The following CFAP74 variants were observed in gnomAD, a reference collection of about 807,000 sequenced individuals.
The protein encoded by CFAP74 is cilia and flagella associated protein 74.
In CFAP74, 124 loss-of-function variants were observed where a neutral mutation model predicts 188.9. The observed-to-expected ratio is 0.66, with a 90% confidence interval of 0.57 to 0.76. CFAP74 has a LOEUF of 0.76. CFAP74 is among the 30% of genes least tolerant of loss of function. The pLI is 0.00. For missense variants in CFAP74, 2,198 were observed against 2,165.2 expected (o/e 1.02, Z -0.30); for synonymous variants, 956 against 916.7 (o/e 1.04, Z -0.77).
At chr1:1,991,846 T>C (rs957238230) in intron 1 of CFAP74, among the ~76,000 whole-genome samples, 32 of 151,988 alleles carry the variant, frequency 2.1e-4, no homozygotes, top group South Asian at 1.2e-3. Context: ...GAGACTATCC[T>C]GGCTAGCACA....
chr1:1,983,960 A>T (rs2102099255), intron 6 of CFAP74: 1 of 143,268 alleles, frequency 7.0e-6, no homozygotes, highest in Non-Finnish European at 1.5e-5. Context: ...AAGTGCTGGG[A>T]TGACAGGCGT....
chr1:1,970,466 G>A (rs1230505321), intron 10 of CFAP74, among the ~76,000 whole-genome samples, 193 bp downstream of exon 10: 2 of 152,216 alleles, frequency 1.3e-5, no homozygotes, highest in Non-Finnish European at 2.9e-5. Context: ...GCAGGGCTGG[G>A]CAGGCTGAGT....
At chr1:1,969,506 A>C (rs1163676296) in intron 10 of CFAP74, among the ~76,000 whole-genome samples, 2 of 129,224 alleles carry the variant, frequency 1.5e-5, no homozygotes, top group Non-Finnish European at 3.2e-5. Flanking sequence ...TTCGCAGCCC[A>C]GTCCCCCAGC....
Position 1,923,604 on chromosome 1 carries a change from G to T in CFAP74, c.4390-105C>A. 1 of 1,523,464 alleles carries T rather than the reference G, an allele frequency of 6.6e-7. No homozygotes were observed. Among genetic ancestry groups the T allele is most frequent in the Non-Finnish European group, 8.9e-7 (1 of 1,128,658 alleles). The allele number at this position is 1,523,464 out of a possible 1,614,324, so 94.4% of individuals were successfully genotyped here. ...GGAAGGAAGCAGGGACGGCCTGGGG[G>T]CCCCGTGGGGCCCTGGACTCTGGTC... On this transcript the variant is annotated intron_variant, in intron 35 of 38. Coordinates refer to ENST00000682832, the MANE Select transcript of CFAP74 (RefSeq NM_001304360.2). The surrounding 1 kb of genome is among the most constrained non-coding windows in gnomAD (Gnocchi z 6.3).
At chr1:1,965,589 G>A (rs1655411059) in intron 12 of CFAP74, among the ~76,000 whole-genome samples, 1 of 152,150 alleles carries the variant, frequency 6.6e-6, no homozygotes, top group Admixed American at 6.5e-5. Flanking sequence ...CCTGGCTCTG[G>A]GCTGTGGGCT....
intron 25 of CFAP74, among the ~76,000 whole-genome samples, chr1:1,934,190 G>C (rs917250450): frequency 6.6e-6 from 1 of 152,240 alleles, no homozygotes; most frequent in Non-Finnish European, 1.5e-5. Context: ...CCCTACATCT[G>C]TGCAAGTGTA....
In CFAP74 at chr1:1,935,159, G is replaced by A; in HGVS notation, c.3011+3696C>T. The stretch of plus-strand genomic sequence containing the variant: ...TGTGTACGTGGGTGTTAGGTTGTAG[G>A]TACACACGTGTGTACGTGGGTGTTA... On this transcript the variant is annotated intron_variant, in intron 25 of 38. Coordinates refer to ENST00000682832, the MANE Select transcript of CFAP74 (RefSeq NM_001304360.2). 2.4e-5 allele frequency among the ~76,000 whole-genome samples: 2 copies of A among 84,470 alleles called. 1 individual carries two copies. Among genetic ancestry groups the A allele is most frequent in the Admixed American group, 2.7e-4 (2 of 7,292 alleles). 55.4% of individuals were successfully genotyped at this position (84,470 alleles called of 152,430 possible).
At chr1:1,929,624 A>C (rs1322623250) in intron 26 of CFAP74, among the ~76,000 whole-genome samples, 1 of 151,804 alleles carries the variant, frequency 6.6e-6, no homozygotes, top group Non-Finnish European at 1.5e-5. Context: ...GGTCACCCGA[A>C]GGCCCTGCCA....
chr1:1,981,479 C>G (rs1347115890), intron 6 of CFAP74, among the ~76,000 whole-genome samples: 12,957 of 79,578 alleles, frequency 0.16, 179 homozygotes, highest in East Asian at 0.2. Flanking sequence ...GCCGCGGTCA[C>G]ACGCGGGGGC....
At chr1:1,936,534 G>A (rs557154628) in intron 25 of CFAP74, among the ~76,000 whole-genome samples, 45 of 151,810 alleles carry the variant, frequency 3.0e-4, no homozygotes, top group African/African-American at 8.0e-4. Context: ...GAGAGCGAGA[G>A]TCCATCTCAA....
intron 1 of CFAP74, among the ~76,000 whole-genome samples, chr1:1,993,210 A>G (rs1043473196): frequency 1.3e-5 from 2 of 151,890 alleles, no homozygotes; most frequent in Non-Finnish European, 2.9e-5. Flanking sequence ...AAAAAAAAAA[A>G]AAAAAAAAGA....
At chr1:1,927,911 C>T (rs1338098392) in intron 27 of CFAP74, 165 bp from the exon 28 acceptor site, 7 of 679,688 alleles carry the variant, frequency 1.0e-5, no homozygotes, top group Admixed American at 2.9e-5. Context: ...GTAGCCAGTG[C>T]GGAGGGGCAC....
intron 8 of CFAP74, among the ~76,000 whole-genome samples, chr1:1,972,618 G>C (rs1480691757): frequency 2.0e-5 from 3 of 152,208 alleles, no homozygotes. Context: ...GGCTGAGGCG[G>C]GCAGATCACC....
intron 9 of CFAP74, among the ~76,000 whole-genome samples, chr1:1,971,329 A>G (rs1448011236): frequency 6.6e-6 from 1 of 150,508 alleles, no homozygotes; most frequent in Non-Finnish European, 1.5e-5. Context: ...ACACTTGCAC[A>G]CCTGCACACA....
At position 1,927,883 on chromosome 1, in the gene CFAP74, C is replaced by T. The variant is rs547103607; in HGVS notation, c.3388-137G>A. ...TGAATGTGGGGACGCAAAAGCCGAC[C>T]GGCGCCCGAGGAAGACAGTAGCCAG... On this transcript the variant is annotated intron_variant, in intron 27 of 38. Coordinates refer to ENST00000682832, the MANE Select transcript of CFAP74 (RefSeq NM_001304360.2). The T allele has an allele frequency of 1.5e-4, 145 of 977,144 alleles. 1 individual carries two copies. The African/African-American group carries it at 1.8e-3, about 12-fold the overall frequency. 60.5% of individuals were successfully genotyped at this position (977,144 alleles called of 1,614,324 possible).
intron 1 of CFAP74, among the ~76,000 whole-genome samples, chr1:1,991,792 C>T (rs1257257083): frequency 6.6e-6 from 1 of 152,158 alleles, no homozygotes; most frequent in Non-Finnish European, 1.5e-5. Flanking sequence ...GTAATCCCAG[C>T]ACTTTGGGAG....
intron 1 of CFAP74, among the ~76,000 whole-genome samples, chr1:1,997,119 A>C (rs1216157123): frequency 1.3e-5 from 2 of 152,092 alleles, no homozygotes; most frequent in African/African-American, 4.8e-5. Flanking sequence ...CAGAACAATC[A>C]GATGTAAAAG....
chr1:1,956,566 C>A, intron 17 of CFAP74, 54 bp downstream of exon 17: 2 of 1,607,212 alleles, frequency 1.2e-6, no homozygotes, highest in Non-Finnish European at 1.7e-6. Context: ...CCACATGGGA[C>A]TGGATTTGGG....
rs1651532957 is a variant in CFAP74, at chr1:1,923,247, T to G, written c.4523-102A>C. 1 of 1,494,930 alleles carries G rather than the reference T, an allele frequency of 6.7e-7. No homozygotes were observed. Among genetic ancestry groups the G allele is most frequent in the Admixed American group, 2.3e-5 (1 of 43,654 alleles). 92.6% of individuals were successfully genotyped at this position (1,494,930 alleles called of 1,614,324 possible). ...TCTGGTTAGCAGTGGCTGTCCTGCT[T>G]GGCTCTGGGGTAGAAGGCTGGGAAT... On this transcript the variant is annotated intron_variant, in intron 36 of 38. Transcript: ENST00000682832. The surrounding 1 kb of genome is among the most constrained non-coding windows in gnomAD (Gnocchi z 6.3).
Sources: allele counts gnomAD v4.1 joint callset (sites outside exome capture counted in the v4.1 genomes callset), GRCh38; gene constraint gnomAD v4.1.1; non-coding constraint Gnocchi (gnomAD v3.1); transcripts MANE v1.5; gene names NCBI Gene and HGNC (gene_info 2026-07-23, HGNC 2026-07-21).